Variants in TG observed in about 807,000 individuals in gnomAD.
The protein encoded by TG is thyroid hormones.
A neutral mutation model predicts 324.7 loss-of-function variants in TG; 270 were observed. The ratio of observed to expected loss-of-function variants is 0.83; its 90% CI spans 0.75 to 0.92. The LOEUF (loss-of-function observed/expected upper bound fraction) is 0.92. TG is among the 40% of genes least tolerant of loss of function. The pLI, the probability that TG is intolerant of heterozygous loss-of-function variation, is 0.00. For synonymous variants in TG, 1,401 were observed against 1,327.0 expected (o/e 1.06, Z -1.21); for missense variants, 3,591 against 3,456.4 (o/e 1.04, Z -0.98).
At position 132,908,241 on chromosome 8, in the gene TG, G is replaced by T. The variant is rs1188814693; in HGVS notation, c.3903G>T (p.Pro1301=). 6 of 1,613,934 alleles carry T rather than the reference G, an allele frequency of 3.7e-6. No homozygotes were observed. The highest frequency in any genetic ancestry group is 1.7e-5 in the Admixed American group (1 of 60,002). The change falls in exon 18 of 48, where the codon CCG becomes CCT. Residue 1301 remains proline (P), a synonymous_variant. Transcript: ENST00000220616. The part of the protein sequence containing the change: ...QTQGHFQLQL[P]PGKMCSADYA... ...AAGGGCACTTTCAGCTCCAGCTCCC[G>T]CCGGGCAAGATGTGCAGTGCTGACT...
chr8:133,013,698 A>G lies in TG; in HGVS notation c.6496A>G (p.Ser2166Gly), dbSNP rs1461485325. 6.2e-7 allele frequency: 1 copy of G among 1,614,014 alleles called. No homozygotes were observed. The highest frequency in any genetic ancestry group is 1.3e-5 in the African/African-American group (1 of 74,952). ...TGCTGATACTCAAAGCTGCACACAT[A>G]GTCTGCAGGGTCAGAACTGCCGACT... ...FYADTQSCTH[S>G]LQGQNCRLLL... The change falls in exon 37 of 48, where the codon AGT becomes GGT. Residue 2166 changes from serine (S) to glycine (G), a missense_variant. Ser to Gly is a moderately conservative substitution (Grantham distance 56, BLOSUM62 0). Coordinates refer to ENST00000220616, the MANE Select transcript of TG (RefSeq NM_003235.5).
intron 20 of TG, among the ~76,000 whole-genome samples, chr8:132,914,289 C>A (rs3892606): frequency 0.11 from 16,872 of 152,206 alleles, 1,295 homozygotes; most frequent in East Asian, 0.43. Flanking sequence ...TGATGAGAAG[C>A]CTTCCTCCTG....
chr8:133,109,342 G>A (rs1372645200), intron 43 of TG, among the ~76,000 whole-genome samples: 1 of 152,140 alleles, frequency 6.6e-6, no homozygotes. Context: ...AACGCTTATT[G>A]GATTAAAAAG....
chr8:133,051,095 G>C (rs1033367547), intron 41 of TG, among the ~76,000 whole-genome samples: 1 of 152,200 alleles, frequency 6.6e-6, no homozygotes, highest in Non-Finnish European at 1.5e-5. Context: ...CAGGGTGTGC[G>C]TACGAGCCCT....
At position 133,039,932 on chromosome 8, in the gene TG, A is replaced by C. The variant is rs1195761424; in HGVS notation, c.7239+9909A>C. ...GGCACACACACCGTTTTGTGCTCAC[A>C]TGTTCACAGAGCACTTGCATGCACA... is the stretch of plus-strand genomic sequence containing the variant. On this transcript the variant is annotated intron_variant, in intron 41 of 47. Transcript: ENST00000220616. The C allele has an allele frequency of 1.4e-5, 21 of 1,520,856 alleles. No homozygotes were observed. In the East Asian group the frequency reaches 3.5e-4, roughly 25 times the overall value. The allele number at this position is 1,520,856 out of a possible 1,614,324, so 94.2% of individuals were successfully genotyped here. A position where few individuals can be genotyped will look rare whatever the true frequency, so the allele number is the denominator to read the frequency against.
chr8:133,018,103 C>A, intron 38 of TG, 106 bp downstream of exon 38: 1 of 1,079,320 alleles, frequency 9.3e-7, no homozygotes, highest in Non-Finnish European at 1.4e-6. Flanking sequence ...TTGGATAAAG[C>A]AATGTATGGA....
intron 35 of TG, among the ~76,000 whole-genome samples, chr8:132,990,682 TTCTA>T (rs548976242): frequency 1.2e-3 from 190 of 152,202 alleles, no homozygotes; most frequent in African/African-American, 4.3e-3. Flanking sequence ...GCTAAATGCT[TTCTA>T]TATTTTAATC....
intron 29 of TG, among the ~76,000 whole-genome samples, chr8:132,965,862 G>T (rs905875563): frequency 2.0e-5 from 3 of 152,172 alleles, no homozygotes; most frequent in African/African-American, 7.2e-5. Context: ...GACAATCCGA[G>T]TTGAGGCTGA....
intron 39 of TG, 121 bp from the exon 40 acceptor site, chr8:133,021,870 A>C: frequency 8.1e-7 from 1 of 1,236,028 alleles, no homozygotes. Flanking sequence ...CATCCACTGC[A>C]TGGGGCTAAG....
chr8:132,911,529 C>A lies in TG; in HGVS notation c.4155C>A (p.Asp1385Glu), dbSNP rs750239188. The change falls in exon 19 of 48, where the codon GAC (aspartate) becomes GAA (glutamate). Residue 1385 changes from aspartate (D) to glutamate (E), a missense_variant. Coordinates refer to ENST00000220616, the MANE Select transcript of TG (RefSeq NM_003235.5). ...TGGCTTCTCTTCCTGACTTACATGA[C>A]ATTGGTATGTTTTTCTGTGGTAGTA... ...IPVASLPDLH[D>E]IERALVGKDL... The A allele has an allele frequency of 2.2e-5, 35 of 1,612,708 alleles. No homozygotes were observed. Among genetic ancestry groups the A allele is most frequent in the Non-Finnish European group, 2.9e-5 (34 of 1,178,828 alleles).
At chr8:133,109,164 G>C (rs1238684363) in intron 43 of TG, among the ~76,000 whole-genome samples, 1 of 152,154 alleles carries the variant, frequency 6.6e-6, no homozygotes, top group African/African-American at 2.4e-5. Flanking sequence ...GAGGAGGTGA[G>C]CCCTGAGCAA....
At chr8:133,133,727 A>AG in intron 47 of TG, 67 bp downstream of exon 47, 2 of 1,553,084 alleles carry the variant, frequency 1.3e-6, no homozygotes, top group Non-Finnish European at 1.8e-6. Flanking sequence ...TGCTCGCTGC[A>AG]TGAGACCTGT....
At chr8:133,035,057 A>T (rs568122512) in intron 41 of TG, among the ~76,000 whole-genome samples, 116 of 152,228 alleles carry the variant, frequency 7.6e-4, no homozygotes, top group Admixed American at 1.4e-3. Flanking sequence ...CTGATGTCTT[A>T]TTGTTATCTT....
chr8:133,064,083 T>C (rs1842756999), intron 41 of TG: 1 of 152,262 alleles, frequency 6.6e-6, no homozygotes, highest in African/African-American at 2.4e-5. Flanking sequence ...CTTAGGTTTC[T>C]GGGTCATAGA....
At chr8:133,033,545 C>G (rs1009014648) in intron 41 of TG, among the ~76,000 whole-genome samples, 4 of 152,224 alleles carry the variant, frequency 2.6e-5, no homozygotes, top group Non-Finnish European at 5.9e-5. Flanking sequence ...GAATCAGCCT[C>G]AAGCTAAATT....
chr8:133,038,349 C>T (rs1032602901), intron 41 of TG: 1 of 614,308 alleles, frequency 1.6e-6, no homozygotes, highest in Non-Finnish European at 2.9e-6. Flanking sequence ...GGGAGGGGTT[C>T]CTTTGGTCAT....
intron 16 of TG, among the ~76,000 whole-genome samples, chr8:132,903,710 C>T (rs1818262647): frequency 6.6e-6 from 1 of 152,198 alleles, no homozygotes; most frequent in African/African-American, 2.4e-5. Context: ...AAACCTCTTT[C>T]TGCTGACTCA....
intron 44 of TG, among the ~76,000 whole-genome samples, chr8:133,114,024 C>T (rs768068740): frequency 5.3e-5 from 8 of 152,214 alleles, no homozygotes; most frequent in Admixed American, 3.9e-4. Flanking sequence ...CCATCAGGCA[C>T]ACGTGAGCGC....
At chr8:132,969,204 T>C (rs567583874) in intron 31 of TG, among the ~76,000 whole-genome samples, 1 of 152,316 alleles carries the variant, frequency 6.6e-6, no homozygotes, top group South Asian at 2.1e-4. Context: ...CTGTTAGGCC[T>C]ATTTTTATTT....
Sources: gnomAD v4.1 joint callset for allele counts (sites outside exome capture counted in the v4.1 genomes callset) on GRCh38, gnomAD v4.1.1 for gene constraint, MANE v1.5 for transcripts, NCBI Gene and HGNC (gene_info 2026-07-23, HGNC 2026-07-21) for gene names.